Variants in F2RL1 observed in about 807,000 individuals in gnomAD.
F2RL1 encodes the protein proteinase-activated receptor 2.
Under a neutral mutation model 21.7 loss-of-function variants are expected in F2RL1, and 16 were observed. The observed-to-expected ratio is 0.74, with a 90% CI of 0.50 to 1.12. The LOEUF (loss-of-function observed/expected upper bound fraction) is 1.12, where lower values mean the gene tolerates loss of function less well. F2RL1 is among the 50% of genes most tolerant of loss of function. The pLI, the probability that F2RL1 is intolerant of heterozygous loss-of-function variation, is 0.00. For synonymous variants in F2RL1, 181 were observed against 186.7 expected, an observed-to-expected ratio of 0.97 and a Z score of 0.25; for missense variants, 432 against 477.8, an observed-to-expected ratio of 0.90 and a Z score of 0.89.
intron 1 of F2RL1, among the ~76,000 whole-genome samples, chr5:76,820,728 T>A (rs1750117837): frequency 6.6e-6 from 1 of 152,242 alleles, no homozygotes; most frequent in African/African-American, 2.4e-5. Flanking sequence ...TGTCTTGTTC[T>A]TGTTTACTAC....
At chr5:76,824,556 C>CTCAAACTCCT in intron 1 of F2RL1, among the ~76,000 whole-genome samples, 1 of 151,534 alleles carries the variant, frequency 6.6e-6, no homozygotes, top group South Asian at 2.1e-4. Context: ...CTCAAACTCC[C>CTCAAACTCCT]GATCTCATGA....
chr5:76,829,450 T>C (rs1395929677), intron 1 of F2RL1, among the ~76,000 whole-genome samples: 1 of 152,178 alleles, frequency 6.6e-6, no homozygotes, highest in African/African-American at 2.4e-5. Context: ...ACAGGTCCTT[T>C]ATCCTGTAGC....
chr5:76,826,939 C>G (rs1001326365), intron 1 of F2RL1, among the ~76,000 whole-genome samples: 1 of 151,922 alleles, frequency 6.6e-6, no homozygotes, highest in Admixed American at 6.6e-5. Context: ...AATCTCTGAC[C>G]TCCTAGGTTC....
rs1750413546 is a variant in F2RL1, at chr5:76,834,126, A to G, written c.*325A>G. Reference sequence around the variant, plus strand: ...TGTGAAGACTCACTTCTCAGCTGAAATTATATATATACACATATATATATT... The same window carrying G: ...TGTGAAGACTCACTTCTCAGCTGAAGTTATATATATACACATATATATATT... On this transcript the variant is annotated 3_prime_UTR_variant, in exon 2 of 2. Coordinates refer to ENST00000296677, the MANE Select transcript of F2RL1 (RefSeq NM_005242.6). The G allele has an allele frequency of 4.9e-6, 1 of 204,864 alleles. No individual in the cohort carries two copies. Among genetic ancestry groups the G allele is most frequent in the East Asian group, 8.4e-5 (1 of 11,914 alleles). The allele number at this position is 204,864 out of a possible 1,614,324, so 12.7% of individuals were successfully genotyped here.
intron 1 of F2RL1, among the ~76,000 whole-genome samples, 200 bp downstream of exon 1, chr5:76,819,464 G>A (rs940294285): frequency 6.6e-6 from 1 of 152,178 alleles, no homozygotes; most frequent in Non-Finnish European, 1.5e-5. Flanking sequence ...ACATGCGGGA[G>A]CAGCTGAAGT....
chr5:76,825,135 T>G (rs1750216279), intron 1 of F2RL1, among the ~76,000 whole-genome samples: 1 of 151,126 alleles, frequency 6.6e-6, no homozygotes, highest in Non-Finnish European at 1.5e-5. Flanking sequence ...GCCTCTGGAG[T>G]AGCTGGGACT....
chr5:76,819,685 C>T (rs915639291), intron 1 of F2RL1, among the ~76,000 whole-genome samples: 1 of 152,090 alleles, frequency 6.6e-6, no homozygotes. Context: ...TTTGCCAACT[C>T]CGGAGACTTC....
At chr5:76,825,292 A>G (rs1750218544) in intron 1 of F2RL1, among the ~76,000 whole-genome samples, 1 of 152,142 alleles carries the variant, frequency 6.6e-6, no homozygotes, top group African/African-American at 2.4e-5. Flanking sequence ...GGTGTGAGCC[A>G]CCATGCCTGG....
intron 1 of F2RL1, among the ~76,000 whole-genome samples, chr5:76,826,624 G>T (rs1398998076): frequency 6.7e-6 from 1 of 149,802 alleles, no homozygotes; most frequent in African/African-American, 2.5e-5. Flanking sequence ...TCCTGCCTCA[G>T]CCTCCTGAGT....
chr5:76,824,167 C>CA (rs1750197584), intron 1 of F2RL1, among the ~76,000 whole-genome samples: 2 of 145,598 alleles, frequency 1.4e-5, no homozygotes, highest in Admixed American at 6.8e-5. Flanking sequence ...ACACCCCCCC[C>CA]CCCTTTTTTT....
rs535789619 is a variant in F2RL1, at chr5:76,826,662, C to G, written c.83-6028C>G. ...TTGGGACTGTGGGCCCACACCACCA[C>G]CTCTGGCTAATTTTTGTATTTTTAG... On this transcript the variant is annotated intron_variant, in intron 1 of 1. Transcript: ENST00000296677. Among the ~76,000 whole-genome samples the G allele has an allele frequency of 7.3e-5, 11 of 151,642 alleles. No individual in the cohort carries two copies. In the South Asian group the frequency reaches 1.7e-3, roughly 23 times the overall value.
rs539416232 is a variant in F2RL1 at position 76,824,317 on chromosome 5, A to ACT, written c.82+5054_82+5055dup. Among the ~76,000 whole-genome samples the ACT allele has an allele frequency of 5.2e-3, 792 of 151,502 alleles. 8 individuals are homozygous for ACT. The highest frequency in any genetic ancestry group is 0.019 in the African/African-American group (765 of 41,272). ...TAGGTTGCCACTATGCCTGGCCTGA[A>ACT]CTACTCCCCTCTTCCCGCCCATCCC... On this transcript the variant is annotated intron_variant, in intron 1 of 1. Transcript: ENST00000296677.
At chr5:76,830,363 C>T (rs1000661398) in intron 1 of F2RL1, among the ~76,000 whole-genome samples, 1 of 152,164 alleles carries the variant, frequency 6.6e-6, no homozygotes, top group African/African-American at 2.4e-5. Context: ...CTGCAACCTC[C>T]GCCTCCCAGG....
At position 76,829,094 on chromosome 5, in the gene F2RL1, C is replaced by T. The variant is rs2243049; in HGVS notation, c.83-3596C>T. 3.9e-3 allele frequency among the ~76,000 whole-genome samples: 579 copies of T among 150,124 alleles called. 4 individuals are homozygous for T. Among genetic ancestry groups the T allele is most frequent in the African/African-American group, 0.013 (536 of 40,540 alleles). On this transcript the variant is annotated intron_variant, in intron 1 of 1. Transcript: ENST00000296677. ...TCGCACCACTGCACTCCAGCCTGGG[C>T]GACAGAGTAAGACTCCATCTCAAAA...
chr5:76,829,131 T>C (rs559176513), intron 1 of F2RL1, among the ~76,000 whole-genome samples: 1 of 151,732 alleles, frequency 6.6e-6, no homozygotes, highest in East Asian at 1.9e-4. Flanking sequence ...AAAAAACAAG[T>C]TATTTTTATG....
chr5:76,830,074 A>C (rs1580934935), intron 1 of F2RL1, among the ~76,000 whole-genome samples: 1 of 152,202 alleles, frequency 6.6e-6, no homozygotes, highest in East Asian at 1.9e-4. Flanking sequence ...CAGAAGTCTG[A>C]AATCAAGGAA....
intron 1 of F2RL1, among the ~76,000 whole-genome samples, chr5:76,831,753 C>T (rs1414684169): frequency 6.6e-6 from 1 of 152,008 alleles, no homozygotes; most frequent in Non-Finnish European, 1.5e-5. Flanking sequence ...GTCTGAAACT[C>T]CTGACCTCAG....
intron 1 of F2RL1, among the ~76,000 whole-genome samples, chr5:76,831,461 C>T (rs1340402881): frequency 3.3e-5 from 5 of 151,588 alleles, no homozygotes; most frequent in Admixed American, 1.3e-4. Flanking sequence ...AATTAGAAAA[C>T]TGGTGTCAGG....
Position 76,833,798 on chromosome 5 carries a change from T to C in F2RL1, c.1191T>C (p.Tyr397=), listed in dbSNP as rs779746970. The C allele has an allele frequency of 5.0e-6, 8 of 1,611,716 alleles. No homozygotes were observed. Among genetic ancestry groups the C allele is most frequent in the South Asian group, 2.2e-5 (2 of 91,012 alleles). Reference sequence around the variant, plus strand: ...GTTCAACCACTGTTAAGACCTCCTATTGAGTTTTCCAGGTCCTCAGATGGG... The same window carrying C: ...GTTCAACCACTGTTAAGACCTCCTACTGAGTTTTCCAGGTCCTCAGATGGG... ...SSSSTTVKTS[Y] The change falls in exon 2 of 2, where the codon TAT becomes TAC. Residue 397 remains tyrosine, a synonymous_variant. Transcript: ENST00000296677.
Sources: gnomAD v4.1 joint callset for allele counts (sites outside exome capture counted in the v4.1 genomes callset) on GRCh38, gnomAD v4.1.1 for gene constraint, MANE v1.5 for transcripts, NCBI Gene and HGNC (gene_info 2026-07-23, HGNC 2026-07-21) for gene names.